The following ADAM10 variants were observed in gnomAD, a reference collection of about 807,000 sequenced individuals.
The protein encoded by ADAM10 is disintegrin and metalloproteinase domain-containing protein 10.
A neutral mutation model predicts 90.1 loss-of-function variants in ADAM10; 17 were observed. That is an observed-to-expected ratio of 0.19 (90% CI 0.13 to 0.28). The LOEUF (loss-of-function observed/expected upper bound fraction) is 0.28, where lower values mean the gene tolerates loss of function less well. Ranked by LOEUF, ADAM10 falls within the 10% of genes least tolerant of loss-of-function variation. ADAM10 has a pLI of 1.00. For synonymous variants in ADAM10, 310 were observed against 298.6 expected, an observed-to-expected ratio of 1.04 and a Z score of -0.40; for missense variants, 610 against 914.3, an observed-to-expected ratio of 0.67 and a Z score of 4.29.
At chr15:58,689,357 G>A (rs1897709355) in intron 2 of ADAM10, among the ~76,000 whole-genome samples, 1 of 152,112 alleles carries the variant, frequency 6.6e-6, no homozygotes, top group African/African-American at 2.4e-5. Flanking sequence ...ATGGTGGTGT[G>A]CATCTGTAGT....
intron 11 of ADAM10, among the ~76,000 whole-genome samples, chr15:58,612,472 C>A (rs896005748): frequency 2.0e-5 from 3 of 152,158 alleles, no homozygotes; most frequent in African/African-American, 7.2e-5. Context: ...GCTGAGACAC[C>A]CTTCTCCCCA....
In ADAM10 at chr15:58,599,617, A is replaced by C; in HGVS notation, c.2133T>G (p.Pro711=). 4 of 1,613,522 alleles carry C rather than the reference A, an allele frequency of 2.5e-6. No individual in the cohort carries two copies. The highest frequency in any genetic ancestry group is 2.2e-5 in the East Asian group (1 of 44,762). ...TCTTACCTGGAAGTGGTTTAGGAGGAGGCAACTTTGGATTACTACTTGGAG... is the reference window on the plus strand; with the variant it reads ...TCTTACCTGGAAGTGGTTTAGGAGGCGGCAACTTTGGATTACTACTTGGAG... ...VHTPSSNPKL[P]PPKPLPGTLK... is the part of the protein sequence containing the mutation. Residue 711 remains proline, a synonymous_variant, in exon 15 of 16, where the codon CCT becomes CCG. Coordinates refer to ENST00000260408, the MANE Select transcript of ADAM10 (RefSeq NM_001110.4).
intron 14 of ADAM10, 107 bp downstream of exon 14, chr15:58,610,185 AATTCT>A: frequency 1.2e-6 from 1 of 844,048 alleles, no homozygotes; most frequent in South Asian, 1.5e-5. Flanking sequence ...CATATAAAGT[AATTCT>A]AATATAAATA....
In ADAM10 at chr15:58,640,838, G is replaced by A. The variant is rs1472695748; in HGVS notation, c.951C>T (p.Val317=). ...QNHDDYCLAY[V]FTDRDFDDGV... ...CATCATCAAAATCTCGGTCTGTGAA[G>A]ACATAGGCCAAACAGTAGTCATCAT... Residue 317 remains valine (V), a synonymous_variant, in exon 8 of 16, where the codon GTC becomes GTT. Coordinates refer to ENST00000260408, the MANE Select transcript of ADAM10 (RefSeq NM_001110.4). The A allele has an allele frequency of 1.9e-6, 3 of 1,614,114 alleles. No individual in the cohort carries two copies. Among genetic ancestry groups the A allele is most frequent in the Non-Finnish European group, 2.5e-6 (3 of 1,180,006 alleles).
Position 58,610,536 on chromosome 15 carries a change from A to C in ADAM10, c.1805-19T>G. The C allele has an allele frequency of 6.2e-7, 1 of 1,604,806 alleles. No individual in the cohort carries two copies. The highest frequency in any genetic ancestry group is 2.2e-5 in the East Asian group (1 of 44,828). On this transcript the variant is annotated intron_variant, in intron 13 of 15. Coordinates refer to ENST00000260408, the MANE Select transcript of ADAM10 (RefSeq NM_001110.4). Reference sequence around the variant, plus strand: ...GGGTCCACTGGAAAAGAAATGCCAAATATAAGCTGAAGGTCAGATTCAAAT... The same window carrying C: ...GGGTCCACTGGAAAAGAAATGCCAACTATAAGCTGAAGGTCAGATTCAAAT...
rs1462920076 is a variant in ADAM10 at position 58,686,407 on chromosome 15, C to CACCATGTCCTCTGG, written c.207-4107_207-4094dup. The stretch of plus-strand genomic sequence containing the variant: ...CTGGGCCCTCGGAGCCCAGCGCCGC[C>CACCATGTCCTCTGG]ACCATGTCCTCTGGGGCTAGCGCGA... On this transcript the variant is annotated intron_variant, in intron 2 of 15. Transcript: ENST00000260408. The CACCATGTCCTCTGG allele has an allele frequency of 5.8e-6, 7 of 1,217,084 alleles. No homozygotes were observed. The African/African-American group carries it at 1.1e-4, about 18-fold the overall frequency. The allele number at this position is 1,217,084 out of a possible 1,614,324, so 75.4% of individuals were successfully genotyped here. A position where few individuals can be genotyped will look rare whatever the true frequency, so the allele number is the denominator to read the frequency against.
intron 1 of ADAM10, among the ~76,000 whole-genome samples, chr15:58,746,007 T>C (rs1185318494): frequency 6.6e-6 from 1 of 152,184 alleles, no homozygotes; most frequent in Non-Finnish European, 1.5e-5. Flanking sequence ...ATCTCTAAGG[T>C]AGTTTAGTCC....
At chr15:58,618,063 C>G (rs1895671970) in intron 11 of ADAM10, among the ~76,000 whole-genome samples, 1 of 151,990 alleles carries the variant, frequency 6.6e-6, no homozygotes, top group African/African-American at 2.4e-5. Flanking sequence ...CATATGAAAC[C>G]ACAGAAGCCA....
At chr15:58,600,251 T>C (rs77403331) in intron 14 of ADAM10, among the ~76,000 whole-genome samples, 5,564 of 152,296 alleles carry the variant, frequency 0.037, 120 homozygotes, top group African/African-American at 0.066. Context: ...CTTACTCTTA[T>C]AGACTATGTT....
At chr15:58,675,160 T>C (rs1382219777) in intron 4 of ADAM10, among the ~76,000 whole-genome samples, 6 of 152,220 alleles carry the variant, frequency 3.9e-5, no homozygotes, top group African/African-American at 1.4e-4. Flanking sequence ...ATGGCACCAC[T>C]GCACTCCAGC....
chr15:58,695,796 C>T (rs1238443449), intron 2 of ADAM10, among the ~76,000 whole-genome samples: 2 of 152,122 alleles, frequency 1.3e-5, no homozygotes, highest in Admixed American at 6.5e-5. Context: ...GCCTGGCCAA[C>T]GTGGTGAAAC....
intron 1 of ADAM10, among the ~76,000 whole-genome samples, chr15:58,721,545 C>A (rs552664516): frequency 3.9e-5 from 6 of 152,258 alleles, no homozygotes; most frequent in African/African-American, 1.4e-4. Context: ...AAGCAGCCTA[C>A]CTGCCCCTCT....
At chr15:58,726,534 C>A (rs1158282857) in intron 1 of ADAM10, among the ~76,000 whole-genome samples, 1 of 116,250 alleles carries the variant, frequency 8.6e-6, no homozygotes, top group Non-Finnish European at 1.6e-5. Flanking sequence ...CACTACACTC[C>A]AGCCTGGGCG....
chr15:58,640,011 G>C (rs1207647569), intron 8 of ADAM10, among the ~76,000 whole-genome samples: 1 of 151,958 alleles, frequency 6.6e-6, no homozygotes, highest in East Asian at 1.9e-4. Flanking sequence ...AAAGAGCCTG[G>C]GGTCCTTTCC....
rs1302823882 is a variant in ADAM10 at position 58,590,338 on chromosome 15, A to T, written c.*7209T>A. ...CACATGATTATCTGATATCTATCTC[A>T]CCTACAAGACCATACGCTTCACCAG... is the stretch of plus-strand genomic sequence containing the variant. On this transcript the variant is annotated 3_prime_UTR_variant, in exon 16 of 16. Transcript: ENST00000260408. 2 of 152,170 alleles carry T rather than the reference A, an allele frequency of 1.3e-5. No individual in the cohort carries two copies. Among genetic ancestry groups the T allele is most frequent in the African/African-American group, 4.8e-5 (2 of 41,430 alleles). 9.4% of individuals were successfully genotyped at this position (152,170 alleles called of 1,614,324 possible).
chr15:58,633,684 T>C (rs1342800615), intron 8 of ADAM10, among the ~76,000 whole-genome samples: 1 of 152,160 alleles, frequency 6.6e-6, no homozygotes, highest in Admixed American at 6.5e-5. Flanking sequence ...TTTGAATATA[T>C]CAGTATTTAC....
At position 58,617,341 on chromosome 15, in the gene ADAM10, A is replaced by C. The variant is rs1248337761; in HGVS notation, c.1511+4130T>G. Among the ~76,000 whole-genome samples, 4 of 152,130 alleles carry C rather than the reference A, an allele frequency of 2.6e-5. No homozygotes were observed. In the East Asian group the frequency reaches 7.7e-4, roughly 29 times the overall value. ...ATGGGAAAACCGAATGATAATTAAT[A>C]AATCCCTGGACACATACAACTTACC... is the stretch of plus-strand genomic sequence containing the variant. On this transcript the variant is annotated intron_variant, in intron 11 of 15. Coordinates refer to ENST00000260408, the MANE Select transcript of ADAM10 (RefSeq NM_001110.4).
At chr15:58,698,259 G>A (rs2140785357) in intron 2 of ADAM10, 1 of 449,756 alleles carries the variant, frequency 2.2e-6, no homozygotes, top group African/African-American at 2.0e-5. Flanking sequence ...ATAAAATTTA[G>A]AATACGAATG....
intron 8 of ADAM10, among the ~76,000 whole-genome samples, chr15:58,639,643 G>A (rs940184000): frequency 6.6e-6 from 1 of 151,996 alleles, no homozygotes; most frequent in Admixed American, 6.6e-5. Flanking sequence ...TGCAGCCCAT[G>A]ACATAAACTT....
Sources: allele counts gnomAD v4.1 joint callset (sites outside exome capture counted in the v4.1 genomes callset), GRCh38; gene constraint gnomAD v4.1.1; transcripts MANE v1.5; gene names NCBI Gene and HGNC (gene_info 2026-07-23, HGNC 2026-07-21).